Variants in HNRNPC observed in about 807,000 individuals in gnomAD.
HNRNPC encodes the protein heterogeneous nuclear ribonucleoprotein C, also known as heterogeneous nuclear ribonucleoproteins C1/C2.
A neutral mutation model predicts 33.2 loss-of-function variants in HNRNPC; 3 were observed. That is an observed-to-expected ratio of 0.09 (90% CI 0.04 to 0.23). The LOEUF is 0.23. Among genes scored for constraint, HNRNPC ranks in the 10% least tolerant of loss-of-function variants. The pLI is 1.00. For missense variants in HNRNPC, 143 were observed against 366.7 expected (o/e 0.39, Z 4.98); for synonymous variants, 121 against 126.7 (o/e 0.96, Z 0.30).
chr14:21,235,273 T>C (rs1894566201), intron 2 of HNRNPC, among the ~76,000 whole-genome samples: 1 of 152,174 alleles, frequency 6.6e-6, no homozygotes, highest in African/African-American at 2.4e-5. Context: ...CTTCATCCCT[T>C]TGAAAGGTAC....
intron 3 of HNRNPC, among the ~76,000 whole-genome samples, chr14:21,232,127 T>C (rs1007083972): frequency 5.9e-5 from 9 of 152,164 alleles, no homozygotes. Flanking sequence ...TTGTAACACG[T>C]ATGCCCAGCT....
At chr14:21,226,900 G>GAAA (rs1328480018) in intron 5 of HNRNPC, among the ~76,000 whole-genome samples, 19 of 102,140 alleles carry the variant, frequency 1.9e-4, no homozygotes, top group African/African-American at 3.5e-4. Flanking sequence ...AAAAAAGGGG[G>GAAA]GGGGGGGACA....
chr14:21,211,139 A>C lies in HNRNPC; in HGVS notation c.*84T>G. 7.6e-7 allele frequency: 1 copy of C among 1,319,912 alleles called. No individual in the cohort carries two copies. The highest frequency in any genetic ancestry group is 1.1e-6 in the Non-Finnish European group (1 of 927,478). 81.8% of individuals were successfully genotyped at this position (1,319,912 alleles called of 1,614,324 possible). A position where few individuals can be genotyped will look rare whatever the true frequency, so the allele number is the denominator to read the frequency against. ...GAGCATGTGCTGAAGATACTAGGGG[A>C]GAGGATCTGGTGAAAAATTTGATCT... On this transcript the variant is annotated 3_prime_UTR_variant, in exon 9 of 9. Transcript: ENST00000553300.
intron 2 of HNRNPC, among the ~76,000 whole-genome samples, chr14:21,259,657 GCTC>G (rs1452898366): frequency 6.6e-6 from 1 of 152,070 alleles, no homozygotes; most frequent in Admixed American, 6.6e-5. Context: ...ATCCTGAGAT[GCTC>G]CTAATTTTAC....
At chr14:21,251,834 A>T (rs1896714781) in intron 2 of HNRNPC, among the ~76,000 whole-genome samples, 1 of 152,200 alleles carries the variant, frequency 6.6e-6, no homozygotes, top group South Asian at 2.1e-4. Flanking sequence ...ATAGAACATA[A>T]ATAATCTCAC....
chr14:21,230,260 G>C, intron 5 of HNRNPC, 59 bp downstream of exon 5: 2 of 1,239,866 alleles, frequency 1.6e-6, no homozygotes, highest in Non-Finnish European at 2.3e-6. Context: ...CAAACCAGAA[G>C]AACGAAATGG....
intron 6 of HNRNPC, 81 bp downstream of exon 6, chr14:21,212,879 C>T (rs1891771349): frequency 1.3e-6 from 2 of 1,539,900 alleles, no homozygotes; most frequent in Admixed American, 3.4e-5. Context: ...AGTCATGTGG[C>T]ACAAAAATAT....
chr14:21,221,916 G>A (rs1892865210), intron 5 of HNRNPC, among the ~76,000 whole-genome samples: 1 of 151,676 alleles, frequency 6.6e-6, no homozygotes, highest in Non-Finnish European at 1.5e-5. Flanking sequence ...GGGCGTGGTG[G>A]CGGGCACCTG....
chr14:21,231,583 A>G (rs532834754), intron 3 of HNRNPC, among the ~76,000 whole-genome samples: 1 of 152,212 alleles, frequency 6.6e-6, no homozygotes, highest in Non-Finnish European at 1.5e-5. Context: ...CACAGGTGTG[A>G]GCTATCAAGC....
intron 2 of HNRNPC, among the ~76,000 whole-genome samples, chr14:21,241,084 C>T (rs1459488621): frequency 1.3e-5 from 2 of 151,974 alleles, no homozygotes; most frequent in Non-Finnish European, 2.9e-5. Context: ...GCCTGGCCAA[C>T]GTGGTGAAAC....
At chr14:21,250,877 C>T (rs1254568156) in intron 2 of HNRNPC, among the ~76,000 whole-genome samples, 1 of 152,162 alleles carries the variant, frequency 6.6e-6, no homozygotes, top group Non-Finnish European at 1.5e-5. Flanking sequence ...TAGGGTGAGA[C>T]TCTATTCCTA....
chr14:21,222,066 AGCTG>A (rs1566603140), intron 5 of HNRNPC, among the ~76,000 whole-genome samples: 5 of 125,758 alleles, frequency 4.0e-5, no homozygotes, highest in Admixed American at 1.7e-4. Flanking sequence ...AAAAAAAAAA[AGCTG>A]AAAAACACAT....
At chr14:21,255,092 G>A (rs1194516574) in intron 2 of HNRNPC, among the ~76,000 whole-genome samples, 1 of 152,076 alleles carries the variant, frequency 6.6e-6, no homozygotes, top group East Asian at 1.9e-4. Context: ...ATCAATATAG[G>A]GAGTGACAAT....
intron 2 of HNRNPC, among the ~76,000 whole-genome samples, chr14:21,241,740 T>A (rs557583683): frequency 6.6e-5 from 10 of 152,368 alleles, no homozygotes; most frequent in African/African-American, 2.2e-4. Context: ...ATGTGCATTT[T>A]AATTTGCTGA....
At chr14:21,234,492 T>C (rs974502393) in intron 2 of HNRNPC, among the ~76,000 whole-genome samples, 2 of 152,186 alleles carry the variant, frequency 1.3e-5, no homozygotes, top group African/African-American at 4.8e-5. Flanking sequence ...AAATTCTCCC[T>C]GGCAGATCAT....
intron 5 of HNRNPC, among the ~76,000 whole-genome samples, chr14:21,225,258 T>G (rs1009172220): frequency 3.4e-5 from 5 of 148,418 alleles, no homozygotes; most frequent in African/African-American, 1.2e-4. Flanking sequence ...CCGTCTCTAC[T>G]AACAATACAA....
chr14:21,234,203 T>C lies in HNRNPC; in HGVS notation c.-10A>G, dbSNP rs769217741. 18 of 1,612,186 alleles carry C rather than the reference T, an allele frequency of 1.1e-5. No homozygotes were observed. Among genetic ancestry groups the C allele is most frequent in the Non-Finnish European group, 1.4e-5 (17 of 1,178,820 alleles). On this transcript the variant is annotated 5_prime_UTR_variant, in exon 3 of 9. Transcript: ENST00000553300. ...TAACGTTGCTGGCCATCGTGTTTGA[T>C]GGTAAGGTTTCTCACAAAGCCGAAA...
intron 5 of HNRNPC, among the ~76,000 whole-genome samples, chr14:21,227,007 A>G (rs947285649): frequency 3.3e-5 from 5 of 152,110 alleles, no homozygotes; most frequent in Admixed American, 3.3e-4. Context: ...TAGTCAATGA[A>G]GTATCGCTGT....
intron 5 of HNRNPC, 136 bp from the exon 6 acceptor site, chr14:21,213,253 C>G: frequency 1.2e-6 from 1 of 837,968 alleles, no homozygotes; most frequent in Non-Finnish European, 1.8e-6. Context: ...AGAAGGCCAG[C>G]AAAAACCTCC....
Sources: gnomAD v4.1 joint callset for allele counts (sites outside exome capture counted in the v4.1 genomes callset) on GRCh38, gnomAD v4.1.1 for gene constraint, MANE v1.5 for transcripts, NCBI Gene and HGNC (gene_info 2026-07-23, HGNC 2026-07-21) for gene names.